The following NEK10 variants were observed in gnomAD, a reference collection of about 807,000 sequenced individuals.
NEK10 encodes the protein serine/threonine-protein kinase Nek10.
In NEK10, 122 loss-of-function variants were observed where a neutral mutation model predicts 159.8. The ratio of observed to expected loss-of-function variants is 0.76; its 90% CI spans 0.66 to 0.89. The LOEUF (loss-of-function observed/expected upper bound fraction) is 0.89, where lower values mean the gene tolerates loss of function less well. NEK10 is among the 40% of genes least tolerant of loss of function. The pLI is 0.00. For synonymous variants in NEK10, 466 were observed against 457.1 expected, an observed-to-expected ratio of 1.02 and a Z score of -0.25; for missense variants, 1,342 against 1,323.1, an observed-to-expected ratio of 1.01 and a Z score of -0.22.
intron 26 of NEK10, among the ~76,000 whole-genome samples, chr3:27,182,646 C>A (rs1262465791): frequency 2.0e-5 from 3 of 152,062 alleles, no homozygotes; most frequent in Admixed American, 2.0e-4. Flanking sequence ...TCTGCATGCT[C>A]ATTTTTATTA....
At chr3:27,290,918 CTCAAAACA>C (rs60936670) in intron 18 of NEK10, among the ~76,000 whole-genome samples, 164 bp from the exon 19 acceptor site, 95,873 of 151,300 alleles carry the variant, frequency 0.63, 32,620 homozygotes, top group African/African-American at 0.9. Flanking sequence ...TTAAGCTCAG[CTCAAAACA>C]TCAAAACACT....
intron 13 of NEK10, among the ~76,000 whole-genome samples, chr3:27,299,781 A>G (rs1051797200): frequency 1.3e-5 from 2 of 152,240 alleles, no homozygotes; most frequent in African/African-American, 4.8e-5. Flanking sequence ...TGGAGCTTTA[A>G]GATTTGACTG....
At chr3:27,248,748 T>C (rs569428241) in intron 23 of NEK10, among the ~76,000 whole-genome samples, 16 of 152,350 alleles carry the variant, frequency 1.1e-4, no homozygotes, top group African/African-American at 3.8e-4. Context: ...TTTTTTTAAA[T>C]GTTTTAAGAC....
At chr3:27,339,737 C>A (rs2047064867) in intron 5 of NEK10, among the ~76,000 whole-genome samples, 1 of 148,752 alleles carries the variant, frequency 6.7e-6, no homozygotes, top group African/African-American at 2.5e-5. Context: ...CGAGATCGGG[C>A]CACTGCACTC....
intron 11 of NEK10, 144 bp downstream of exon 11, chr3:27,307,715 T>TA (rs1405325261): frequency 1.6e-6 from 1 of 624,010 alleles, no homozygotes; most frequent in Non-Finnish European, 2.8e-6. Flanking sequence ...ATTTTCTTTA[T>TA]ATAAACTTAA....
chr3:27,352,615 C>T (rs2048052275), intron 2 of NEK10, 90 bp from the exon 3 acceptor site: 1 of 971,464 alleles, frequency 1.0e-6, no homozygotes, highest in Non-Finnish European at 1.6e-6. Flanking sequence ...CACTTGGAGG[C>T]CTGCTTTTAT....
intron 19 of NEK10, among the ~76,000 whole-genome samples, chr3:27,289,130 T>C (rs2042820432): frequency 6.6e-6 from 1 of 152,154 alleles, no homozygotes; most frequent in Non-Finnish European, 1.5e-5. Context: ...GACAGTGCAC[T>C]AGAAGGTAAC....
chr3:27,260,718 G>C (rs2040332593), intron 22 of NEK10, among the ~76,000 whole-genome samples: 1 of 152,176 alleles, frequency 6.6e-6, no homozygotes. Flanking sequence ...TTGGTATCAG[G>C]ATGATGCTGG....
At chr3:27,116,188 T>A in intron 33 of NEK10, 61 bp from the exon 34 acceptor site, 1 of 1,478,408 alleles carries the variant, frequency 6.8e-7, no homozygotes, top group Non-Finnish European at 9.4e-7. Flanking sequence ...AGTTATTCTT[T>A]ACTGGCAATT....
chr3:27,291,352 G>T lies in NEK10; in HGVS notation c.1515C>A (p.Ser505Arg). ...ELKQIAENIE[S>R]INQNKAPLKY... ...TCAAAGGAGCTTTGTTCTGATTAAT[G>T]CTTTCAATATTTTCAGCAATTTGCT... Residue 505 changes from serine (S) to arginine (R), a missense_variant, in exon 18 of 36, where the codon AGC becomes AGA. Ser to Arg is a moderately radical substitution (Grantham distance 110). Coordinates refer to ENST00000691995, the MANE Select transcript of NEK10 (RefSeq NM_001394966.1). 1 of 1,612,118 alleles carries T rather than the reference G, an allele frequency of 6.2e-7. No homozygotes were observed. The highest frequency in any genetic ancestry group is 1.1e-5 in the South Asian group (1 of 90,830).
chr3:27,316,456 G>T (rs572198349), intron 6 of NEK10, among the ~76,000 whole-genome samples: 7 of 151,996 alleles, frequency 4.6e-5, no homozygotes, highest in African/African-American at 1.7e-4. Flanking sequence ...TAGAGCAGAG[G>T]ACTCTATTTT....
intron 22 of NEK10, among the ~76,000 whole-genome samples, chr3:27,258,338 T>A (rs926008947): frequency 6.6e-5 from 10 of 151,792 alleles, no homozygotes; most frequent in African/African-American, 2.4e-4. Context: ...TCATTTAACA[T>A]TAGGTATATC....
intron 5 of NEK10, among the ~76,000 whole-genome samples, chr3:27,337,770 C>T (rs2046915417): frequency 6.6e-6 from 1 of 151,980 alleles, no homozygotes; most frequent in Admixed American, 6.6e-5. Flanking sequence ...AAACTGGACC[C>T]CTATCTCTCT....
chr3:27,238,462 T>A (rs903185806), intron 23 of NEK10, among the ~76,000 whole-genome samples: 3 of 152,182 alleles, frequency 2.0e-5, no homozygotes, highest in Admixed American at 1.3e-4. Context: ...GAAAACAATA[T>A]AAGAAACTTT....
At chr3:27,201,340 A>G (rs967084762) in intron 25 of NEK10, among the ~76,000 whole-genome samples, 170 bp downstream of exon 25, 1 of 152,212 alleles carries the variant, frequency 6.6e-6, no homozygotes, top group Non-Finnish European at 1.5e-5. Context: ...TGGACACTTA[A>G]GTAGCATCCA....
At chr3:27,222,643 T>C (rs746819095) in intron 23 of NEK10, among the ~76,000 whole-genome samples, 6 of 152,196 alleles carry the variant, frequency 3.9e-5, no homozygotes, top group African/African-American at 1.4e-4. Context: ...AAATAATACA[T>C]GTGTTTCACA....
intron 23 of NEK10, among the ~76,000 whole-genome samples, chr3:27,203,789 G>A (rs975848396): frequency 1.3e-5 from 2 of 152,120 alleles, no homozygotes; most frequent in African/African-American, 4.8e-5. Flanking sequence ...GTTCTTGAGA[G>A]GAAGAAGAAT....
intron 22 of NEK10, among the ~76,000 whole-genome samples, chr3:27,258,632 G>T (rs1201089049): frequency 6.6e-6 from 1 of 152,078 alleles, no homozygotes; most frequent in Non-Finnish European, 1.5e-5. Flanking sequence ...TGGACATTTG[G>T]GTTGGTTCCA....
chr3:27,128,022 G>C (rs1466220432), intron 32 of NEK10, among the ~76,000 whole-genome samples: 1 of 152,022 alleles, frequency 6.6e-6, no homozygotes, highest in Non-Finnish European at 1.5e-5. Flanking sequence ...CCCCTTATTT[G>C]CTGCAAGTAG....
Sources: allele counts gnomAD v4.1 joint callset (sites outside exome capture counted in the v4.1 genomes callset), GRCh38; gene constraint gnomAD v4.1.1; transcripts MANE v1.5; gene names NCBI Gene and HGNC (gene_info 2026-07-23, HGNC 2026-07-21).